Variants in WWTR1 observed in about 807,000 individuals in gnomAD.
WWTR1 encodes the protein WW domain-containing transcription regulator protein 1.
A neutral mutation model predicts 40.1 loss-of-function variants in WWTR1; 13 were observed. That is an observed-to-expected ratio of 0.32 (90% CI 0.21 to 0.52). The LOEUF (loss-of-function observed/expected upper bound fraction) is 0.52. WWTR1 is among the 20% of genes least tolerant of loss of function. The probability of loss-of-function intolerance (pLI) is 0.97; values close to 1 mark genes in which losing one functional copy is unlikely to be tolerated. For synonymous variants in WWTR1, 230 were observed against 210.1 expected (o/e 1.09, Z -0.82); for missense variants, 436 against 523.1 (o/e 0.83, Z 1.63).
At chr3:149,550,752 G>A (rs1736582279) in intron 3 of WWTR1, among the ~76,000 whole-genome samples, 1 of 109,450 alleles carries the variant, frequency 9.1e-6, no homozygotes, top group African/African-American at 3.8e-5. Flanking sequence ...AAAAGCAAGG[G>A]TTATAAAAGA....
At chr3:149,647,629 G>C (rs1264111980) in intron 2 of WWTR1, among the ~76,000 whole-genome samples, 1 of 152,188 alleles carries the variant, frequency 6.6e-6, no homozygotes, top group Non-Finnish European at 1.5e-5. Flanking sequence ...CACTTACTTG[G>C]GAAGTAAAGA....
chr3:149,526,577 G>C (rs1456366922), intron 5 of WWTR1, among the ~76,000 whole-genome samples: 2 of 152,190 alleles, frequency 1.3e-5, no homozygotes, highest in Non-Finnish European at 2.9e-5. Context: ...TGGGGGGATG[G>C]CTTCAAATAT....
chr3:149,549,602 C>T (rs1736524870), intron 3 of WWTR1, among the ~76,000 whole-genome samples: 1 of 152,158 alleles, frequency 6.6e-6, no homozygotes, highest in Non-Finnish European at 1.5e-5. Context: ...CTTTGGGAGG[C>T]CGAGGCAGGA....
intron 2 of WWTR1, among the ~76,000 whole-genome samples, chr3:149,590,032 T>G (rs1738621997): frequency 6.6e-6 from 1 of 152,180 alleles, no homozygotes; most frequent in African/African-American, 2.4e-5. Context: ...TTCATTCCTG[T>G]TGATTCTGCA....
rs1734981524 is a variant in WWTR1 at position 149,520,259 on chromosome 3, C to T, written c.*546G>A. 1 of 152,244 alleles carries T rather than the reference C, an allele frequency of 6.6e-6. No individual in the cohort carries two copies. Among genetic ancestry groups the T allele is most frequent in the Admixed American group, 6.5e-5 (1 of 15,284 alleles). The allele number at this position is 152,244 out of a possible 1,614,324, so 9.4% of individuals were successfully genotyped here. On this transcript the variant is annotated 3_prime_UTR_variant, in exon 7 of 7. Transcript: ENST00000360632. Reference sequence around the variant, plus strand: ...CAGAGCCAGCATGGATTCAAAATTACATTGTATTCCATACAGTAGAATTTT... The same window carrying T: ...CAGAGCCAGCATGGATTCAAAATTATATTGTATTCCATACAGTAGAATTTT...
At chr3:149,704,269 C>A (rs1361125624), upstream of WWTR1, among the ~76,000 whole-genome samples, 3 of 152,040 alleles carry the variant, frequency 2.0e-5, no homozygotes, top group Non-Finnish European at 4.4e-5. Flanking sequence ...ATAATGACAG[C>A]AACAAAATTT....
intron 1 of WWTR1, among the ~76,000 whole-genome samples, chr3:149,675,483 CT>C (rs1714231084): frequency 6.6e-6 from 1 of 152,086 alleles, no homozygotes; most frequent in African/African-American, 2.4e-5. Context: ...TGATCAGGGT[CT>C]TTGATCATGT....
chr3:149,678,038 G>A (rs2902738), intron 1 of WWTR1, among the ~76,000 whole-genome samples: 103 of 151,794 alleles, frequency 6.8e-4, no homozygotes, highest in African/African-American at 2.3e-3. Context: ...CTCAAAGTGC[G>A]GGGATTACAG....
intron 2 of WWTR1, among the ~76,000 whole-genome samples, chr3:149,585,457 C>T (rs763051789): frequency 6.6e-6 from 1 of 152,076 alleles, no homozygotes; most frequent in Non-Finnish European, 1.5e-5. Flanking sequence ...TTCATATAGT[C>T]GAGTAGTTAA....
chr3:149,654,802 A>G (rs1713099337), intron 2 of WWTR1, among the ~76,000 whole-genome samples: 1 of 152,192 alleles, frequency 6.6e-6, no homozygotes, highest in South Asian at 2.1e-4. Context: ...GTATGTGTGT[A>G]TATATTCATA....
intron 2 of WWTR1, among the ~76,000 whole-genome samples, chr3:149,620,316 T>A (rs1171514751): frequency 1.3e-5 from 2 of 152,142 alleles, no homozygotes; most frequent in East Asian, 3.9e-4. Context: ...CCAACCTCCA[T>A]GATATGAGAC....
chr3:149,643,541 C>G (rs950524633), intron 2 of WWTR1, among the ~76,000 whole-genome samples: 1 of 152,102 alleles, frequency 6.6e-6, no homozygotes, highest in Non-Finnish European at 1.5e-5. Flanking sequence ...TAATAGGATG[C>G]TTAAACAAGC....
At chr3:149,632,507 C>T (rs1182842735) in intron 2 of WWTR1, among the ~76,000 whole-genome samples, 1 of 152,166 alleles carries the variant, frequency 6.6e-6, no homozygotes, top group Non-Finnish European at 1.5e-5. Context: ...TCCATCCACA[C>T]AACGCAAACA....
At chr3:149,568,559 A>AAAAAAAAAAAAAAAC in intron 3 of WWTR1, among the ~76,000 whole-genome samples, 3 of 137,986 alleles carry the variant, frequency 2.2e-5, no homozygotes, top group Admixed American at 7.2e-5. Flanking sequence ...AAAAAAAAAA[A>AAAAAAAAAAAAAAAC]ACCATATTTT....
chr3:149,602,086 T>C (rs144248326), intron 2 of WWTR1, among the ~76,000 whole-genome samples: 1,762 of 152,242 alleles, frequency 0.012, 14 homozygotes, highest in Non-Finnish European at 0.015. Flanking sequence ...CAGGTCCTAC[T>C]AGAAAAACTA....
At chr3:149,622,498 G>GAA (rs1560089724) in intron 2 of WWTR1, among the ~76,000 whole-genome samples, 1 of 51,024 alleles carries the variant, frequency 2.0e-5, no homozygotes, top group African/African-American at 7.9e-5. Context: ...AGGAAGGAAG[G>GAA]AAGGAAGAAA....
At chr3:149,646,414 T>G (rs936426837) in intron 2 of WWTR1, among the ~76,000 whole-genome samples, 36 of 152,362 alleles carry the variant, frequency 2.4e-4, no homozygotes, top group African/African-American at 7.7e-4. Context: ...ATTGGTCACC[T>G]ACTTGGATGT....
intron 3 of WWTR1, among the ~76,000 whole-genome samples, chr3:149,566,313 C>T (rs1467167859): frequency 6.6e-6 from 1 of 152,034 alleles, no homozygotes; most frequent in East Asian, 1.9e-4. Context: ...ACAAACTTTC[C>T]ACCACAACAA....
chr3:149,594,672 C>A (rs1738892683), intron 2 of WWTR1, among the ~76,000 whole-genome samples: 1 of 151,730 alleles, frequency 6.6e-6, no homozygotes, highest in Non-Finnish European at 1.5e-5. Flanking sequence ...TTACTAAATG[C>A]AATATGTGAA....
Sources: gnomAD v4.1 joint callset for allele counts (sites outside exome capture counted in the v4.1 genomes callset) on GRCh38, gnomAD v4.1.1 for gene constraint, MANE v1.5 for transcripts, NCBI Gene and HGNC (gene_info 2026-07-23, HGNC 2026-07-21) for gene names.